The following ABCA13 variants were observed in gnomAD, a reference collection of about 807,000 sequenced individuals.
The protein encoded by ABCA13 is ATP binding cassette subfamily A member 13.
In ABCA13, 476 loss-of-function variants were observed where a neutral mutation model predicts 478.7. The observed-to-expected ratio is 0.99, with a 90% CI of 0.92 to 1.07. ABCA13 has a LOEUF of 1.07. ABCA13 is among the 50% of genes least tolerant of loss of function. ABCA13 has a pLI of 0.00. For missense variants in ABCA13, 6,060 were observed against 5,910.6 expected, an observed-to-expected ratio of 1.03 and a Z score of -0.83; for synonymous variants, 2,252 against 2,158.9, an observed-to-expected ratio of 1.04 and a Z score of -1.20.
At chr7:48,286,663 C>T (rs1797798003) in intron 19 of ABCA13, among the ~76,000 whole-genome samples, 1 of 151,964 alleles carries the variant, frequency 6.6e-6, no homozygotes, top group African/African-American at 2.4e-5. Flanking sequence ...CGCCACCATG[C>T]CCGGTTAATT....
chr7:48,519,151 C>A (rs1464365237), intron 52 of ABCA13, among the ~76,000 whole-genome samples: 1 of 152,274 alleles, frequency 6.6e-6, no homozygotes, highest in East Asian at 1.9e-4. Context: ...GATCTCCTTC[C>A]TTTTTATGGC....
chr7:48,588,453 C>T (rs1373875958), intron 57 of ABCA13, among the ~76,000 whole-genome samples: 2 of 152,358 alleles, frequency 1.3e-5, no homozygotes, highest in South Asian at 2.1e-4. Context: ...CCATGACCTG[C>T]TCACTGCAGA....
At chr7:48,605,846 C>T (rs1791415271) in intron 58 of ABCA13, among the ~76,000 whole-genome samples, 2 of 152,200 alleles carry the variant, frequency 1.3e-5, no homozygotes, top group South Asian at 2.1e-4. Context: ...CTTTCAGGTA[C>T]ACCAATCAAA....
intron 36 of ABCA13, 83 bp from the exon 37 acceptor site, chr7:48,388,956 AG>A: frequency 6.8e-7 from 1 of 1,476,260 alleles, no homozygotes; most frequent in Non-Finnish European, 9.3e-7. Flanking sequence ...TCAATTTCAA[AG>A]CAGAATGCTG....
intron 38 of ABCA13, among the ~76,000 whole-genome samples, chr7:48,392,854 CT>C (rs1308281522): frequency 6.6e-6 from 1 of 152,176 alleles, no homozygotes; most frequent in Non-Finnish European, 1.5e-5. Flanking sequence ...GTCATGTTGA[CT>C]AACTGGTTGC....
At chr7:48,420,720 T>C (rs148125524) in intron 41 of ABCA13, among the ~76,000 whole-genome samples, 2 of 147,110 alleles carry the variant, frequency 1.4e-5, no homozygotes, top group East Asian at 4.0e-4. Flanking sequence ...GCCTCAGATG[T>C]AGGGCTTGAT....
chr7:48,275,297 C>T lies in ABCA13; in HGVS notation c.5631C>T (p.Ser1877=). The T allele has an allele frequency of 3.7e-6, 6 of 1,613,882 alleles. No homozygotes were observed. The highest frequency in any genetic ancestry group is 5.1e-6 in the Non-Finnish European group (6 of 1,179,860). ...QGEDSPCSNE[S]SRMEITRKVV... is the part of the protein sequence containing the mutation. ...AAGATTCACCATGTTCAAATGAAAGCTCCCGAATGGAAATAACTAGGAAAG... is the reference window on the plus strand; with the variant it reads ...AAGATTCACCATGTTCAAATGAAAGTTCCCGAATGGAAATAACTAGGAAAG... The change falls in exon 17 of 62, where the codon AGC becomes AGT. Residue 1877 remains serine, a synonymous_variant. Coordinates refer to ENST00000435803, the MANE Select transcript of ABCA13 (RefSeq NM_152701.5).
chr7:48,186,160 C>A (rs937875108), intron 1 of ABCA13, among the ~76,000 whole-genome samples: 3 of 151,918 alleles, frequency 2.0e-5, no homozygotes, highest in African/African-American at 7.2e-5. Context: ...CTTGATAATT[C>A]TTGTCTTTCA....
rs754573291 is a variant in ABCA13, at chr7:48,245,992, A to C, written c.1621A>C (p.Ser541Arg). 17 of 1,613,598 alleles carry C rather than the reference A, an allele frequency of 1.1e-5. No individual in the cohort carries two copies. The highest frequency in any genetic ancestry group is 6.7e-5 in the Admixed American group (4 of 59,984). ...GTGCTATTGTAACTCCTCTGAGACG[A>C]GTGTTTTAAACAAGCTACTTGGTTC... The part of the protein sequence containing the change: ...LLCYCNSSET[S>R]VLNKLLGSVE... The change falls in exon 13 of 62, where the codon AGT becomes CGT. Residue 541 changes from serine (S) to arginine (R), a missense_variant. Ser to Arg is a moderately radical substitution (Grantham distance 110). Coordinates refer to ENST00000435803, the MANE Select transcript of ABCA13 (RefSeq NM_152701.5).
intron 3 of ABCA13, among the ~76,000 whole-genome samples, chr7:48,214,736 T>C (rs1483987521): frequency 6.6e-6 from 1 of 152,222 alleles, no homozygotes. Flanking sequence ...TCAGGCTTCA[T>C]AGAACTAAAG....
Position 48,219,344 on chromosome 7 carries a change from C to T in ABCA13, c.288-10C>T. The T allele has an allele frequency of 6.3e-7, 1 of 1,594,546 alleles. No homozygotes were observed. The highest frequency in any genetic ancestry group is 8.5e-7 in the Non-Finnish European group (1 of 1,175,262). On this transcript the variant is annotated splice_polypyrimidine_tract_variant and intron_variant, in intron 3 of 61. Coordinates refer to ENST00000435803, the MANE Select transcript of ABCA13 (RefSeq NM_152701.5). ...AAGAGTTTCACTTGCAGTATTTATT[C>T]TGTTTAAAGTTTGTCTAGGTTCCAA...
chr7:48,583,226 T>C (rs1216960659), intron 56 of ABCA13, among the ~76,000 whole-genome samples: 3 of 152,184 alleles, frequency 2.0e-5, no homozygotes, highest in Non-Finnish European at 4.4e-5. Flanking sequence ...GACTTTTATA[T>C]TTAAGTTTTC....
intron 27 of ABCA13, among the ~76,000 whole-genome samples, chr7:48,332,747 C>T (rs1805603583): frequency 6.6e-6 from 1 of 152,160 alleles, no homozygotes; most frequent in African/African-American, 2.4e-5. Flanking sequence ...TTTCTTACGT[C>T]GTGATAAATG....
chr7:48,392,738 C>T (rs1301843250), intron 38 of ABCA13, among the ~76,000 whole-genome samples: 1 of 152,164 alleles, frequency 6.6e-6, no homozygotes, highest in African/African-American at 2.4e-5. Context: ...TACAGAGTGG[C>T]CAGTGTAGGC....
intron 35 of ABCA13, among the ~76,000 whole-genome samples, chr7:48,382,672 A>C (rs1814573812): frequency 6.6e-6 from 1 of 151,668 alleles, no homozygotes; most frequent in Non-Finnish European, 1.5e-5. Context: ...TTTCATTCTC[A>C]TTCCTTTTTC....
At chr7:48,405,703 T>G (rs2129079722) in intron 39 of ABCA13, among the ~76,000 whole-genome samples, 1 of 152,298 alleles carries the variant, frequency 6.6e-6, no homozygotes, top group East Asian at 1.9e-4. Flanking sequence ...GTCTCAAAGG[T>G]TTAGCTGACA....
In ABCA13 at chr7:48,275,870, C is replaced by A. The variant is rs1199209753; in HGVS notation, c.6204C>A (p.Asp2068Glu). ...CCAAGTTTCAACAAATCATGAAAGA[C>A]CTAACCCAAGATTTTAGAATCAGAC... ...LWPKFQQIMK[D>E]LTQDFRIRHL... Residue 2068 changes from aspartate to glutamate, a missense_variant, in exon 17 of 62, where the codon GAC (aspartate) becomes GAA (glutamate). Transcript: ENST00000435803. The A allele has an allele frequency of 6.2e-7, 1 of 1,613,462 alleles. No homozygotes were observed. Among genetic ancestry groups the A allele is most frequent in the Non-Finnish European group, 8.5e-7 (1 of 1,179,786 alleles).
chr7:48,431,264 C>T (rs951666382), intron 42 of ABCA13, among the ~76,000 whole-genome samples: 5 of 151,898 alleles, frequency 3.3e-5, no homozygotes, highest in African/African-American at 1.2e-4. Context: ...AACTTCTGAA[C>T]GTGGGAGGTG....
chr7:48,355,519 TTA>T (rs1375319748), intron 31 of ABCA13, among the ~76,000 whole-genome samples: 4 of 152,026 alleles, frequency 2.6e-5, no homozygotes, highest in Non-Finnish European at 4.4e-5. Flanking sequence ...ATCATCTGAC[TTA>T]TACTGTAAAA....
Sources: allele counts gnomAD v4.1 joint callset (sites outside exome capture counted in the v4.1 genomes callset), GRCh38; gene constraint gnomAD v4.1.1; transcripts MANE v1.5; gene names NCBI Gene and HGNC (gene_info 2026-07-23, HGNC 2026-07-21).